Variants in PDSS2 observed in about 807,000 individuals in gnomAD.
The protein encoded by PDSS2 is decaprenyl diphosphate synthase subunit 2.
A neutral mutation model predicts 44.5 loss-of-function variants in PDSS2; 31 were observed. That is an observed-to-expected ratio of 0.70 (90% CI 0.52 to 0.94). The LOEUF is 0.94. Ranked by LOEUF, PDSS2 falls within the 40% of genes least tolerant of loss-of-function variation. The probability of loss-of-function intolerance (pLI) is 0.00; values close to 1 mark genes in which losing one functional copy is unlikely to be tolerated. For missense variants in PDSS2, 452 were observed against 482.2 expected, an observed-to-expected ratio of 0.94 and a Z score of 0.59; for synonymous variants, 157 against 180.3, an observed-to-expected ratio of 0.87 and a Z score of 1.03.
At chr6:107,372,047 A>ATT (rs1323100610) in intron 1 of PDSS2, among the ~76,000 whole-genome samples, 1 of 152,196 alleles carries the variant, frequency 6.6e-6, no homozygotes, top group African/African-American at 2.4e-5. Flanking sequence ...CAGTGTAACC[A>ATT]TTTTACACAA....
intron 3 of PDSS2, among the ~76,000 whole-genome samples, chr6:107,251,129 CA>C (rs1774803345): frequency 1.3e-5 from 2 of 152,198 alleles, no homozygotes; most frequent in South Asian, 4.1e-4. Flanking sequence ...GCTGGGATTA[CA>C]GGCGTGAGCC....
At chr6:107,182,673 A>G (rs1032876102) in intron 7 of PDSS2, among the ~76,000 whole-genome samples, 19 of 152,128 alleles carry the variant, frequency 1.2e-4, no homozygotes, top group African/African-American at 4.6e-4. Context: ...AAGCTTCTAT[A>G]ATTTACTGTA....
intron 1 of PDSS2, among the ~76,000 whole-genome samples, chr6:107,437,611 T>C (rs1314069719): frequency 4.0e-5 from 6 of 150,606 alleles, no homozygotes; most frequent in Non-Finnish European, 7.4e-5. Flanking sequence ...CATTTCCACA[T>C]ATACCAAAAT....
chr6:107,186,765 C>T (rs754165618), intron 7 of PDSS2, among the ~76,000 whole-genome samples: 5 of 152,208 alleles, frequency 3.3e-5, no homozygotes, highest in Admixed American at 6.5e-5. Context: ...TAGCTTCATC[C>T]GTATCCCTGC....
At chr6:107,193,926 C>T (rs911100191) in intron 6 of PDSS2, 72 bp from the exon 7 acceptor site, 10 of 940,708 alleles carry the variant, frequency 1.1e-5, no homozygotes, top group Non-Finnish European at 1.2e-5. Flanking sequence ...TTTTGCTTCT[C>T]AAAGAATAGA....
At chr6:107,444,104 CTGCAGTCTCAACTCCCAGGCTCAA>C (rs2114819656) in intron 1 of PDSS2, among the ~76,000 whole-genome samples, 1 of 152,312 alleles carries the variant, frequency 6.6e-6, no homozygotes, top group East Asian at 1.9e-4. Flanking sequence ...TCACGGCTCA[CTGCAGTCTCAACTCCCAGGCTCAA>C]GTGATCCTCT....
In PDSS2 at chr6:107,245,880, T is replaced by C. The variant is rs544217497; in HGVS notation, c.631-261A>G. On this transcript the variant is annotated intron_variant, in intron 3 of 7. Coordinates refer to ENST00000369037, the MANE Select transcript of PDSS2 (RefSeq NM_020381.4). ...ACTAATATACATGAAAATCGAGTAA[T>C]AGCCATTTTGAACATAAACTTACAT... is the stretch of plus-strand genomic sequence containing the variant. Among the ~76,000 whole-genome samples, 31 of 152,338 alleles carry C rather than the reference T, an allele frequency of 2.0e-4. No homozygotes were observed. In the South Asian group the frequency reaches 5.2e-3, roughly 25 times the overall value.
At chr6:107,317,958 A>G (rs1321476290) in intron 2 of PDSS2, among the ~76,000 whole-genome samples, 1 of 152,164 alleles carries the variant, frequency 6.6e-6, no homozygotes, top group Non-Finnish European at 1.5e-5. Context: ...CCCCCCAGAT[A>G]AAGTAACATC....
At chr6:107,427,927 T>G (rs1382013121) in intron 1 of PDSS2, among the ~76,000 whole-genome samples, 1 of 152,264 alleles carries the variant, frequency 6.6e-6, no homozygotes, top group Non-Finnish European at 1.5e-5. Context: ...GAGGCCCTAT[T>G]TAGAGACAGC....
intron 7 of PDSS2, among the ~76,000 whole-genome samples, chr6:107,163,437 G>C (rs1301132523): frequency 6.6e-6 from 1 of 152,104 alleles, no homozygotes; most frequent in African/African-American, 2.4e-5. Flanking sequence ...AATCCTTCAT[G>C]AAAGGTATTA....
intron 1 of PDSS2, among the ~76,000 whole-genome samples, chr6:107,387,743 A>G (rs1001677105): frequency 6.6e-6 from 1 of 152,256 alleles, no homozygotes; most frequent in African/African-American, 2.4e-5. Context: ...AGAGGCTTCA[A>G]CTGTGAGCCT....
At chr6:107,408,306 CCTGG>C in intron 1 of PDSS2, among the ~76,000 whole-genome samples, 1 of 152,298 alleles carries the variant, frequency 6.6e-6, no homozygotes, top group East Asian at 1.9e-4. Context: ...AGCCACCACA[CCTGG>C]CCTTACTAGC....
intron 3 of PDSS2, among the ~76,000 whole-genome samples, chr6:107,270,104 G>GTAT (rs1250119826): frequency 6.6e-6 from 1 of 151,946 alleles, no homozygotes; most frequent in Non-Finnish European, 1.5e-5. Flanking sequence ...CTGCTGAAGT[G>GTAT]TATTATTATT....
At chr6:107,452,634 T>C (rs1781906965) in intron 1 of PDSS2, among the ~76,000 whole-genome samples, 1 of 152,098 alleles carries the variant, frequency 6.6e-6, no homozygotes, top group Admixed American at 6.5e-5. Context: ...CTTTTCACCC[T>C]CTTTACAGGG....
At chr6:107,202,623 A>G (rs539366758) in intron 6 of PDSS2, among the ~76,000 whole-genome samples, 127 of 152,298 alleles carry the variant, frequency 8.3e-4, no homozygotes, top group Non-Finnish European at 1.5e-3. Context: ...TATCTTGGTC[A>G]TTCTCTATGA....
intron 1 of PDSS2, among the ~76,000 whole-genome samples, chr6:107,355,528 A>T (rs1778572577): frequency 6.6e-6 from 1 of 152,192 alleles, no homozygotes; most frequent in Admixed American, 6.5e-5. Flanking sequence ...CAATTTTTGA[A>T]AATTATTTAA....
chr6:107,341,819 A>C (rs1778089821), intron 1 of PDSS2, among the ~76,000 whole-genome samples: 1 of 152,128 alleles, frequency 6.6e-6, no homozygotes, highest in Admixed American at 6.6e-5. Context: ...TGAGTAATAA[A>C]AATGGTAACA....
At chr6:107,317,579 C>A (rs866594979) in intron 2 of PDSS2, among the ~76,000 whole-genome samples, 3 of 152,186 alleles carry the variant, frequency 2.0e-5, no homozygotes, top group Non-Finnish European at 4.4e-5. Flanking sequence ...TACAACCGTG[C>A]CTGACCTCCC....
chr6:107,329,785 A>G (rs1294988475), intron 2 of PDSS2, among the ~76,000 whole-genome samples: 1 of 152,078 alleles, frequency 6.6e-6, no homozygotes, highest in Non-Finnish European at 1.5e-5. Flanking sequence ...GTGCCTATTA[A>G]TTACAATGTT....
Sources: allele counts gnomAD v4.1 joint callset (sites outside exome capture counted in the v4.1 genomes callset), GRCh38; gene constraint gnomAD v4.1.1; transcripts MANE v1.5; gene names NCBI Gene and HGNC (gene_info 2026-07-23, HGNC 2026-07-21).